MSRA: variants seen among roughly 807,000 people sequenced by gnomAD.
MSRA encodes mitochondrial peptide methionine sulfoxide reductase.
A neutral mutation model predicts 31.3 loss-of-function variants in MSRA; 54 were observed. That is an observed-to-expected ratio of 1.73 (90% confidence interval 1.39 to 2.17). The LOEUF (loss-of-function observed/expected upper bound fraction) is 2.17, where lower values mean the gene tolerates loss of function less well. Among genes scored for constraint, MSRA ranks in the 30% most tolerant of loss-of-function variants. MSRA has a pLI of 0.00. For missense variants in MSRA, 507 were observed against 300.9 expected (o/e 1.69, Z -5.07); for synonymous variants, 169 against 116.5 (o/e 1.45, Z -2.90).
chr8:10,226,967 GCTGGTC>G (rs368269239), intron 2 of MSRA, among the ~76,000 whole-genome samples: 246 of 152,298 alleles, frequency 1.6e-3, no homozygotes, highest in African/African-American at 5.5e-3. Flanking sequence ...GGAGAACTGT[GCTGGTC>G]CAGGGAGCTG....
intron 1 of MSRA, among the ~76,000 whole-genome samples, chr8:10,203,809 A>G (rs993191879): frequency 1.3e-5 from 2 of 152,224 alleles, no homozygotes; most frequent in Admixed American, 6.5e-5. Flanking sequence ...ACCATAGGAG[A>G]TGACAGCTCC....
rs1798022270 is a variant in MSRA, at chr8:10,253,483, T to A, written c.331+8260T>A. Among the ~76,000 whole-genome samples, 3 of 152,090 alleles carry A rather than the reference T, an allele frequency of 2.0e-5. No individual in the cohort carries two copies. In the South Asian group the frequency reaches 6.2e-4, roughly 32 times the overall value. On this transcript the variant is annotated intron_variant, in intron 3 of 5. Coordinates refer to ENST00000317173, the MANE Select transcript of MSRA (RefSeq NM_012331.5). The stretch of plus-strand genomic sequence containing the variant: ...TATTTCAGCAATTTTGGTGGTAAAA[T>A]TCAAATAGGGCATTTAAGTAGAAAA...
chr8:10,098,187 A>G (rs1799301617), intron 1 of MSRA, among the ~76,000 whole-genome samples: 1 of 152,162 alleles, frequency 6.6e-6, no homozygotes, highest in Non-Finnish European at 1.5e-5. Context: ...TAGTATTTCA[A>G]ATCTTATTTT....
At chr8:10,416,162 C>G in intron 5 of MSRA, among the ~76,000 whole-genome samples, 1 of 152,190 alleles carries the variant, frequency 6.6e-6, no homozygotes, top group South Asian at 2.1e-4. Flanking sequence ...TGCCCGTACA[C>G]TCTTCTGAGA....
chr8:10,272,180 G>C (rs1799078482), intron 3 of MSRA, among the ~76,000 whole-genome samples: 1 of 152,030 alleles, frequency 6.6e-6, no homozygotes, highest in Non-Finnish European at 1.5e-5. Context: ...TATTATATTA[G>C]TCAATATTCT....
intron 1 of MSRA, among the ~76,000 whole-genome samples, chr8:10,105,832 C>T (rs1799843515): frequency 6.6e-6 from 1 of 152,116 alleles, no homozygotes; most frequent in Non-Finnish European, 1.5e-5. Context: ...CTCATGCTGT[C>T]CCGTCTAAAC....
At chr8:10,150,178 C>G (rs377711647) in intron 1 of MSRA, among the ~76,000 whole-genome samples, 3 of 151,942 alleles carry the variant, frequency 2.0e-5, no homozygotes, top group African/African-American at 7.3e-5. Context: ...TACAGTGCCT[C>G]GTGGCTTCTA....
chr8:10,275,555 T>A (rs923623045), intron 3 of MSRA, among the ~76,000 whole-genome samples: 1 of 152,206 alleles, frequency 6.6e-6, no homozygotes, highest in South Asian at 2.1e-4. Flanking sequence ...AGTCCAATTC[T>A]CTTTCTCAGG....
intron 1 of MSRA, among the ~76,000 whole-genome samples, chr8:10,174,245 C>G (rs954140378): frequency 1.3e-5 from 2 of 151,986 alleles, no homozygotes; most frequent in African/African-American, 2.4e-5. Flanking sequence ...CTGCTTCCAA[C>G]TTTGTAAAGA....
intron 2 of MSRA, among the ~76,000 whole-genome samples, chr8:10,232,610 G>C (rs182586615): frequency 1.8e-4 from 28 of 152,260 alleles, no homozygotes; most frequent in African/African-American, 5.8e-4. Flanking sequence ...TTTGGAAAAG[G>C]GCTTTATGAA....
rs534439742 is a variant in MSRA, at chr8:10,398,130, T to G, written c.544-30018T>G. Among the ~76,000 whole-genome samples, 155 of 152,364 alleles carry G rather than the reference T, an allele frequency of 1.0e-3. 1 individual carries two copies. Among genetic ancestry groups the G allele is most frequent in the African/African-American group, 3.6e-3 (150 of 41,594 alleles). On this transcript the variant is annotated intron_variant, in intron 5 of 5. Transcript: ENST00000317173. ...CTATCCAGTTGACTAATTACAATGGTAACATTCATCAACTCCCAAGGACTC... is the reference window on the plus strand; with the variant it reads ...CTATCCAGTTGACTAATTACAATGGGAACATTCATCAACTCCCAAGGACTC...
chr8:10,423,379 C>T (rs1423031966), intron 5 of MSRA, among the ~76,000 whole-genome samples: 1 of 152,182 alleles, frequency 6.6e-6, no homozygotes, highest in African/African-American at 2.4e-5. Context: ...GAACCCCTGC[C>T]CCATCACTGA....
intron 3 of MSRA, among the ~76,000 whole-genome samples, chr8:10,273,006 T>C (rs540779859): frequency 2.0e-4 from 31 of 152,300 alleles, no homozygotes; most frequent in African/African-American, 7.2e-4. Flanking sequence ...GTATAAGCAA[T>C]CATGAAGAGT....
At chr8:10,374,648 G>A (rs1466986969) in intron 5 of MSRA, among the ~76,000 whole-genome samples, 1 of 152,174 alleles carries the variant, frequency 6.6e-6, no homozygotes. Flanking sequence ...GAACCATTCA[G>A]AGTCTGACAG....
intron 5 of MSRA, among the ~76,000 whole-genome samples, chr8:10,354,754 A>G (rs201715265): frequency 0.03 from 3,358 of 113,360 alleles, 49 homozygotes; most frequent in Middle Eastern, 0.082. Flanking sequence ...GTGTGTGTAT[A>G]TATATATATA....
At chr8:10,362,452 T>C (rs1175866867) in intron 5 of MSRA, among the ~76,000 whole-genome samples, 2 of 97,410 alleles carry the variant, frequency 2.1e-5, no homozygotes, top group East Asian at 3.5e-4. Flanking sequence ...CCCAAAGTCA[T>C]ACCATAAGCA....
At chr8:10,332,101 A>G (rs916203471) in intron 5 of MSRA, among the ~76,000 whole-genome samples, 2 of 152,162 alleles carry the variant, frequency 1.3e-5, no homozygotes, top group Non-Finnish European at 2.9e-5. Context: ...GAATTGAGAA[A>G]ATGTCATGGT....
At chr8:10,159,079 C>G in intron 1 of MSRA, among the ~76,000 whole-genome samples, 1 of 152,170 alleles carries the variant, frequency 6.6e-6, no homozygotes. Flanking sequence ...AGGCAGATTA[C>G]CAGATACCAG....
intron 1 of MSRA, among the ~76,000 whole-genome samples, chr8:10,180,556 T>A (rs539431297): frequency 2.6e-5 from 4 of 152,308 alleles, no homozygotes; most frequent in African/African-American, 9.6e-5. Flanking sequence ...CCAAGCCACC[T>A]GGAGTTACCT....
Sources: gnomAD v4.1 joint callset for allele counts (sites outside exome capture counted in the v4.1 genomes callset) on GRCh38, gnomAD v4.1.1 for gene constraint, MANE v1.5 for transcripts, NCBI Gene and HGNC (gene_info 2026-07-23, HGNC 2026-07-21) for gene names.